The following LRMDA variants were observed in gnomAD, a reference collection of about 807,000 sequenced individuals.
The protein encoded by LRMDA is leucine rich melanocyte differentiation associated.
In LRMDA, 18 loss-of-function variants were observed where a neutral mutation model predicts 29.8. The ratio of observed to expected loss-of-function variants is 0.60; its 90% CI spans 0.42 to 0.90. LRMDA has a LOEUF of 0.90. Ranked by LOEUF, LRMDA falls within the 40% of genes least tolerant of loss-of-function variation. The pLI, the probability that LRMDA is intolerant of heterozygous loss-of-function variation, is 0.00. For missense variants in LRMDA, 273 were observed against 273.9 expected, an observed-to-expected ratio of 1.00 and a Z score of 0.02; for synonymous variants, 125 against 109.4, an observed-to-expected ratio of 1.14 and a Z score of -0.89.
In LRMDA at chr10:76,177,606, G is replaced by C. The variant is rs377302623; in HGVS notation, c.516+118823G>C. 1.4e-4 allele frequency among the ~76,000 whole-genome samples: 21 copies of C among 152,082 alleles called. No individual in the cohort carries two copies. The South Asian group carries it at 3.7e-3, about 27-fold the overall frequency. On this transcript the variant is annotated intron_variant, in intron 5 of 6. Coordinates refer to ENST00000611255, the MANE Select transcript of LRMDA (RefSeq NM_001305581.2). ...ATAGATGCTCAACTCTTTGAAAATGGCTCCTTTTTCTAAGTAGATAAAAAA... is the reference window on the plus strand; with the variant it reads ...ATAGATGCTCAACTCTTTGAAAATGCCTCCTTTTTCTAAGTAGATAAAAAA...
intron 2 of LRMDA, chr10:75,647,471 G>A (rs1156723682): frequency 2.0e-5 from 3 of 152,538 alleles, no homozygotes. Flanking sequence ...GGCAGTGGTG[G>A]TGTGTGTACG....
At chr10:76,189,924 T>A (rs556365693) in intron 5 of LRMDA, among the ~76,000 whole-genome samples, 4 of 152,156 alleles carry the variant, frequency 2.6e-5, no homozygotes, top group Non-Finnish European at 5.9e-5. Flanking sequence ...ATTTTATGAT[T>A]CTAGAGGGTG....
intron 2 of LRMDA, among the ~76,000 whole-genome samples, chr10:75,488,296 C>T (rs1034780269): frequency 6.6e-6 from 1 of 152,060 alleles, no homozygotes; most frequent in African/African-American, 2.4e-5. Flanking sequence ...CTTTCTTTTC[C>T]CCACCTTTTT....
chr10:76,064,059 T>C (rs375402617), intron 5 of LRMDA, among the ~76,000 whole-genome samples: 9 of 152,166 alleles, frequency 5.9e-5, no homozygotes, highest in African/African-American at 1.9e-4. Context: ...TATTGGAAGA[T>C]CCATCATGAA....
intron 5 of LRMDA, among the ~76,000 whole-genome samples, chr10:76,170,718 A>T (rs898604356): frequency 1.3e-5 from 2 of 152,234 alleles, no homozygotes; most frequent in Non-Finnish European, 2.9e-5. Context: ...GTAAAATTTT[A>T]AAATTCTATA....
At chr10:76,452,720 T>C (rs534479747) in intron 6 of LRMDA, among the ~76,000 whole-genome samples, 8 of 152,326 alleles carry the variant, frequency 5.3e-5, no homozygotes, top group Non-Finnish European at 1.0e-4. Context: ...TGGGGGAGGA[T>C]GGTTTAAAAA....
intron 5 of LRMDA, among the ~76,000 whole-genome samples, chr10:76,206,794 T>C (rs1865637): frequency 0.33 from 50,292 of 152,042 alleles, 10,744 homozygotes; most frequent in East Asian, 0.6. Context: ...GCCCCAGACT[T>C]TCATGCAGCC....
intron 2 of LRMDA, among the ~76,000 whole-genome samples, chr10:75,752,053 A>G (rs987771219): frequency 6.6e-6 from 1 of 151,134 alleles, no homozygotes; most frequent in African/African-American, 2.4e-5. Flanking sequence ...ATATATATAA[A>G]CAAAGATTGG....
chr10:76,008,544 G>A (rs1255483649), intron 2 of LRMDA, among the ~76,000 whole-genome samples: 1 of 152,348 alleles, frequency 6.6e-6, no homozygotes, highest in South Asian at 2.1e-4. Context: ...TATATAAATA[G>A]GTGGCATCAT....
At chr10:76,521,022 A>G (rs1462922644) in intron 6 of LRMDA, among the ~76,000 whole-genome samples, 1 of 152,156 alleles carries the variant, frequency 6.6e-6, no homozygotes, top group African/African-American at 2.4e-5. Context: ...ATTTCCTTGC[A>G]GTATTTCATA....
At chr10:76,201,077 A>C (rs1262877646) in intron 5 of LRMDA, among the ~76,000 whole-genome samples, 1 of 113,286 alleles carries the variant, frequency 8.8e-6, no homozygotes, top group Non-Finnish European at 1.7e-5. Context: ...ATTTTTATTT[A>C]TTTATTTATT....
intron 6 of LRMDA, among the ~76,000 whole-genome samples, chr10:76,554,757 TGTAA>T (rs1843533919): frequency 6.6e-6 from 1 of 151,868 alleles, no homozygotes; most frequent in Admixed American, 6.6e-5. Flanking sequence ...TCAAGTTGCA[TGTAA>T]GTGAGATCTG....
intron 2 of LRMDA, among the ~76,000 whole-genome samples, chr10:75,794,198 T>G (rs1240143062): frequency 6.6e-6 from 1 of 152,228 alleles, no homozygotes; most frequent in Non-Finnish European, 1.5e-5. Flanking sequence ...TAGAGTGAAA[T>G]GCACAGATCT....
At chr10:76,140,518 G>C (rs927091482) in intron 5 of LRMDA, among the ~76,000 whole-genome samples, 1 of 151,888 alleles carries the variant, frequency 6.6e-6, no homozygotes, top group African/African-American at 2.4e-5. Context: ...TTTTTTTCTG[G>C]GTATCTCCCT....
intron 5 of LRMDA, among the ~76,000 whole-genome samples, chr10:76,269,023 A>G (rs1317037189): frequency 6.6e-6 from 1 of 152,154 alleles, no homozygotes; most frequent in South Asian, 2.1e-4. Flanking sequence ...TGACTAATGG[A>G]ACACTGGGCC....
intron 5 of LRMDA, among the ~76,000 whole-genome samples, chr10:76,315,698 A>T (rs1368362252): frequency 6.6e-6 from 1 of 152,148 alleles, no homozygotes; most frequent in African/African-American, 2.4e-5. Flanking sequence ...TGGAAGGCAG[A>T]CAGGTCCCTG....
intron 6 of LRMDA, among the ~76,000 whole-genome samples, chr10:76,539,572 A>C (rs1046997867): frequency 6.6e-6 from 1 of 152,062 alleles, no homozygotes; most frequent in African/African-American, 2.4e-5. Flanking sequence ...CTACTTCCCC[A>C]GGGGTGGGCA....
intron 2 of LRMDA, among the ~76,000 whole-genome samples, chr10:75,544,665 T>G (rs939773927): frequency 5.3e-5 from 8 of 152,296 alleles, no homozygotes; most frequent in South Asian, 2.1e-4. Flanking sequence ...TATTCTTTTT[T>G]TGTGTGTGTT....
chr10:75,540,844 A>G (rs1414473283), intron 2 of LRMDA, among the ~76,000 whole-genome samples: 1 of 152,192 alleles, frequency 6.6e-6, no homozygotes, highest in Admixed American at 6.5e-5. Context: ...TGGCTAAAAA[A>G]GTAAAATAAT....
Sources: gnomAD v4.1 joint callset for allele counts (sites outside exome capture counted in the v4.1 genomes callset) on GRCh38, gnomAD v4.1.1 for gene constraint, MANE v1.5 for transcripts, NCBI Gene and HGNC (gene_info 2026-07-23, HGNC 2026-07-21) for gene names.